SHANK2: variants seen among roughly 807,000 people sequenced by gnomAD.
SHANK2 encodes SH3 and multiple ankyrin repeat domains protein 2.
SHANK2 carries 43 observed loss-of-function variants against 133.7 expected under a neutral mutation model. The observed-to-expected ratio is 0.32, with a 90% confidence interval of 0.25 to 0.41. The LOEUF (loss-of-function observed/expected upper bound fraction) is 0.41, where lower values mean the gene tolerates loss of function less well. Ranked by LOEUF, SHANK2 falls within the 10% of genes least tolerant of loss-of-function variation. The pLI, the probability that SHANK2 is intolerant of heterozygous loss-of-function variation, is 1.00. For missense variants in SHANK2, 1,994 were observed against 2,235.8 expected, an observed-to-expected ratio of 0.89 and a Z score of 2.18; for synonymous variants, 1,017 against 952.8, an observed-to-expected ratio of 1.07 and a Z score of -1.24.
intron 11 of SHANK2, among the ~76,000 whole-genome samples, chr11:70,852,967 G>T (rs1467948401): frequency 6.6e-6 from 1 of 152,338 alleles, no homozygotes; most frequent in African/African-American, 2.4e-5. Context: ...GGAAGGCAAC[G>T]TTCCCTGAAC....
chr11:71,187,812 T>C (rs782192507), intron 2 of SHANK2, among the ~76,000 whole-genome samples: 7 of 152,192 alleles, frequency 4.6e-5, no homozygotes, highest in Admixed American at 2.0e-4. Context: ...AGTGTCTTCC[T>C]CTGGAGCAAA....
At chr11:70,586,673 T>C (rs1455321343) in intron 17 of SHANK2, among the ~76,000 whole-genome samples, 1 of 152,142 alleles carries the variant, frequency 6.6e-6, no homozygotes, top group Non-Finnish European at 1.5e-5. Context: ...ATTTAGCAAT[T>C]TGAAAAAAGC....
chr11:70,702,681 G>A (rs1046764084), intron 14 of SHANK2, among the ~76,000 whole-genome samples: 14 of 152,210 alleles, frequency 9.2e-5, no homozygotes, highest in Non-Finnish European at 1.6e-4. Context: ...GGAATGCTCT[G>A]CTAAATTATC....
chr11:70,862,981 C>A, intron 11 of SHANK2: 1 of 301,208 alleles, frequency 3.3e-6, no homozygotes, highest in Non-Finnish European at 6.5e-6. Flanking sequence ...GATTCAGGGA[C>A]TCAGGGACAT....
chr11:71,205,100 C>G (rs1954102577), intron 2 of SHANK2, among the ~76,000 whole-genome samples: 1 of 152,130 alleles, frequency 6.6e-6, no homozygotes, highest in South Asian at 2.1e-4. Context: ...CCAGGGAGTC[C>G]CAGCCCTGGA....
At chr11:71,159,782 G>A (rs781831204) in intron 2 of SHANK2, among the ~76,000 whole-genome samples, 5 of 151,974 alleles carry the variant, frequency 3.3e-5, no homozygotes, top group African/African-American at 4.8e-5. Context: ...TCAGGAGTTC[G>A]AGACCAGCCT....
At chr11:71,228,957 T>C (rs925805329) in intron 1 of SHANK2, among the ~76,000 whole-genome samples, 2 of 152,106 alleles carry the variant, frequency 1.3e-5, no homozygotes, top group African/African-American at 4.8e-5. Flanking sequence ...TTTAAAAAAA[T>C]CAATCAATGT....
intron 8 of SHANK2, among the ~76,000 whole-genome samples, chr11:71,081,695 G>A (rs1208944003): frequency 1.3e-5 from 2 of 152,186 alleles, no homozygotes; most frequent in East Asian, 3.9e-4. Flanking sequence ...GAGAGAGGAT[G>A]CCTCTCTTCC....
In SHANK2 at chr11:71,119,050, G is replaced by A; in HGVS notation, c.208-18C>T. ...ATGCATTTCTGCCAGGAAGGACAAA[G>A]ACAGCTGATGAGTGACAGAGGACGC... On this transcript the variant is annotated intron_variant, in intron 3 of 25. Transcript: ENST00000601538. 6.4e-7 allele frequency: 1 copy of A among 1,550,510 alleles called. No homozygotes were observed. Among genetic ancestry groups the A allele is most frequent in the Non-Finnish European group, 8.7e-7 (1 of 1,146,100 alleles).
chr11:71,162,171 G>T (rs1953035189), intron 2 of SHANK2, among the ~76,000 whole-genome samples: 1 of 152,158 alleles, frequency 6.6e-6, no homozygotes, highest in Admixed American at 6.5e-5. Context: ...GATACCATAG[G>T]CTGGGTTATT....
At chr11:70,879,937 C>T (rs985491352) in intron 11 of SHANK2, among the ~76,000 whole-genome samples, 1 of 152,222 alleles carries the variant, frequency 6.6e-6, no homozygotes, top group African/African-American at 2.4e-5. Context: ...ACAGAGCTTC[C>T]TGGCTTTTGA....
intron 14 of SHANK2, among the ~76,000 whole-genome samples, chr11:70,736,358 T>A (rs1946403028): frequency 6.6e-6 from 1 of 152,194 alleles, no homozygotes; most frequent in Non-Finnish European, 1.5e-5. Context: ...GAGTGTGACC[T>A]GATTTGGAAA....
At chr11:70,602,009 G>A (rs1591635374) in intron 17 of SHANK2, among the ~76,000 whole-genome samples, 1 of 152,202 alleles carries the variant, frequency 6.6e-6, no homozygotes, top group East Asian at 1.9e-4. Flanking sequence ...TGGAGGTGGG[G>A]CCTGGCAGGA....
chr11:71,163,093 A>AAAATATATATATATATATATATATATAT, intron 2 of SHANK2, among the ~76,000 whole-genome samples: 1 of 84,674 alleles, frequency 1.2e-5, no homozygotes, highest in Admixed American at 1.0e-4. Flanking sequence ...AAAAAAAAAA[A>AAAATATATATATATATATATATATATAT]ATACATATAT....
chr11:70,551,794 C>T (rs1377819027), intron 17 of SHANK2, among the ~76,000 whole-genome samples: 1 of 152,258 alleles, frequency 6.6e-6, no homozygotes, highest in Non-Finnish European at 1.5e-5. Flanking sequence ...CACCTGGTCC[C>T]TGGCCTGGAG....
intron 14 of SHANK2, among the ~76,000 whole-genome samples, chr11:70,783,666 G>T (rs1555045738): frequency 6.6e-6 from 1 of 152,134 alleles, no homozygotes; most frequent in African/African-American, 2.4e-5. Flanking sequence ...TTATCCTGGG[G>T]AGGGAGCTGA....
chr11:71,187,828 A>G (rs782033854), intron 2 of SHANK2, among the ~76,000 whole-genome samples: 6 of 152,210 alleles, frequency 3.9e-5, no homozygotes, highest in Admixed American at 6.5e-5. Flanking sequence ...GCAAAGGGCA[A>G]GTGTGCAGAA....
intron 17 of SHANK2, chr11:70,634,203 G>A (rs2061039405): frequency 2.0e-5 from 3 of 152,084 alleles, no homozygotes. Flanking sequence ...GTGCGTGGAT[G>A]GGACAGTGAC....
At chr11:70,714,795 G>A (rs1208634396) in intron 14 of SHANK2, among the ~76,000 whole-genome samples, 1 of 151,650 alleles carries the variant, frequency 6.6e-6, no homozygotes, top group Non-Finnish European at 1.5e-5. Flanking sequence ...CAAAAGATTG[G>A]TTTTACCTGT....
Sources: gnomAD v4.1 joint callset for allele counts (sites outside exome capture counted in the v4.1 genomes callset) on GRCh38, gnomAD v4.1.1 for gene constraint, MANE v1.5 for transcripts, NCBI Gene and HGNC (gene_info 2026-07-23, HGNC 2026-07-21) for gene names.